SLC26A3: variants seen among roughly 807,000 people sequenced by gnomAD.
SLC26A3 encodes solute carrier family 26 member 3.
A neutral mutation model predicts 85.6 loss-of-function variants in SLC26A3; 64 were observed. The ratio of observed to expected loss-of-function variants is 0.75; its 90% CI spans 0.61 to 0.92. SLC26A3 has a LOEUF of 0.92. SLC26A3 is among the 40% of genes least tolerant of loss of function. SLC26A3 has a pLI of 0.00. For missense variants in SLC26A3, 922 were observed against 927.3 expected (o/e 0.99, Z 0.07); for synonymous variants, 349 against 336.0 (o/e 1.04, Z -0.42).
chr7:107,790,106 T>G (rs1446259061), intron 5 of SLC26A3, among the ~76,000 whole-genome samples: 1 of 152,238 alleles, frequency 6.6e-6, no homozygotes, highest in Non-Finnish European at 1.5e-5. Flanking sequence ...TGAGCGAGTG[T>G]CTATCCTATT....
In SLC26A3 at chr7:107,789,539, T is replaced by C; in HGVS notation, c.720A>G (p.Pro240=). ...AAATACTTACTTTGAAAATTGAAAC[T>C]GGATCAGTGTGTGACGGGACTGTCA... ...FQLTVPSHTD[P]VSIFKVLYSV... The change falls in exon 6 of 21, where the codon CCA becomes CCG. Residue 240 remains proline (P), a synonymous_variant. Coordinates refer to ENST00000340010, the MANE Select transcript of SLC26A3 (RefSeq NM_000111.3). 6.2e-7 allele frequency: 1 copy of C among 1,614,102 alleles called. No individual in the cohort carries two copies.
intron 12 of SLC26A3, 75 bp downstream of exon 12, chr7:107,779,593 A>T: frequency 8.5e-7 from 1 of 1,169,750 alleles, no homozygotes; most frequent in African/African-American, 1.5e-5. Flanking sequence ...TTTACAATAT[A>T]AACATGCATT....
At chr7:107,794,007 C>A in intron 2 of SLC26A3, 126 bp from the exon 3 acceptor site, 1 of 1,247,362 alleles carries the variant, frequency 8.0e-7, no homozygotes, top group Non-Finnish European at 1.2e-6. Flanking sequence ...CTCCCAGTAA[C>A]ATTCTTTACC....
Position 107,795,957 on chromosome 7 carries a change from A to G in SLC26A3, c.-88-1360T>C, listed in dbSNP as rs570399923. Among the ~76,000 whole-genome samples, 505 of 151,712 alleles carry G rather than the reference A, an allele frequency of 3.3e-3. 4 individuals carry two copies. The highest frequency in any genetic ancestry group is 0.011 in the African/African-American group (473 of 41,318). On this transcript the variant is annotated intron_variant, in intron 1 of 20. Transcript: ENST00000340010. ...CCACTTGACCTCTCTTTGATCACTC[A>G]TTTTTCTCTCCCATCCCATTTTCTA...
chr7:107,774,653 A>T (rs982627264), intron 16 of SLC26A3, 124 bp downstream of exon 16: 6 of 772,284 alleles, frequency 7.8e-6, no homozygotes, highest in Non-Finnish European at 1.4e-5. Flanking sequence ...AAAATATAAC[A>T]CTCATTGACA....
chr7:107,768,759 A>G (rs1016618884), intron 18 of SLC26A3, among the ~76,000 whole-genome samples: 1 of 152,208 alleles, frequency 6.6e-6, no homozygotes, highest in African/African-American at 2.4e-5. Context: ...CTTGGTGGGT[A>G]TCTGGGAAAA....
intron 1 of SLC26A3, among the ~76,000 whole-genome samples, chr7:107,802,742 CTT>C (rs35087147): frequency 0.034 from 3,813 of 110,698 alleles, 63 homozygotes; most frequent in South Asian, 0.1. Flanking sequence ...TTAAAGCTTG[CTT>C]TTTTTTTTTT....
At chr7:107,794,090 C>G (rs1794453422) in intron 2 of SLC26A3, among the ~76,000 whole-genome samples, 1 of 152,212 alleles carries the variant, frequency 6.6e-6, no homozygotes, top group Non-Finnish European at 1.5e-5. Flanking sequence ...CATAATAGAC[C>G]TATTTGTCAT....
At chr7:107,784,028 C>T (rs549626895) in intron 8 of SLC26A3, among the ~76,000 whole-genome samples, 1 of 152,302 alleles carries the variant, frequency 6.6e-6, no homozygotes, top group South Asian at 2.1e-4. Context: ...GTGCATGTAT[C>T]TTAAACTCAA....
chr7:107,794,027 C>T (rs1445619244), intron 2 of SLC26A3, 146 bp from the exon 3 acceptor site: 4 of 1,105,856 alleles, frequency 3.6e-6, no homozygotes, highest in Non-Finnish European at 4.0e-6. Context: ...CCATAATCAG[C>T]TGCCCTCTGG....
chr7:107,765,971 A>AG, intron 20 of SLC26A3, 93 bp from the exon 21 acceptor site: 1 of 1,108,442 alleles, frequency 9.0e-7, no homozygotes, highest in Non-Finnish European at 1.4e-6. Context: ...CAGAGTTAAC[A>AG]GGTTTTTTTT....
intron 3 of SLC26A3, 120 bp from the exon 4 acceptor site, chr7:107,792,060 A>C (rs1794412503): frequency 1.5e-6 from 1 of 670,594 alleles, no homozygotes; most frequent in African/African-American, 1.8e-5. Flanking sequence ...TTAATTCAAA[A>C]TGTATTAAAG....
At chr7:107,797,590 C>G (rs146754236) in intron 1 of SLC26A3, among the ~76,000 whole-genome samples, 1 of 152,116 alleles carries the variant, frequency 6.6e-6, no homozygotes. Flanking sequence ...CACCCATCCC[C>G]GCTTCCAAAA....
intron 3 of SLC26A3, among the ~76,000 whole-genome samples, chr7:107,792,185 C>G (rs924608480): frequency 1.9e-4 from 29 of 152,182 alleles, no homozygotes; most frequent in African/African-American, 6.3e-4. Flanking sequence ...CATAAGCCAG[C>G]AGTCCCCAAC....
intron 1 of SLC26A3, among the ~76,000 whole-genome samples, chr7:107,800,402 A>G (rs1794579618): frequency 6.6e-6 from 1 of 152,254 alleles, no homozygotes; most frequent in Non-Finnish European, 1.5e-5. Flanking sequence ...ACAAACATGT[A>G]TCAGCCTATT....
chr7:107,790,240 G>C (rs1480176183), intron 5 of SLC26A3, among the ~76,000 whole-genome samples: 1 of 152,128 alleles, frequency 6.6e-6, no homozygotes, highest in African/African-American at 2.4e-5. Flanking sequence ...TTTTGCAATC[G>C]AGTGAATCGG....
intron 1 of SLC26A3, among the ~76,000 whole-genome samples, chr7:107,797,480 C>T (rs1215055108): frequency 2.0e-5 from 3 of 148,588 alleles, no homozygotes; most frequent in Admixed American, 1.4e-4. Context: ...GGTGACAGAG[C>T]GAGACTCCGT....
chr7:107,789,625 C>T lies in SLC26A3; in HGVS notation c.634G>A (p.Gly212Ser), dbSNP rs777504274. The T allele has an allele frequency of 1.2e-6, 2 of 1,613,872 alleles. No individual in the cohort carries two copies. Among genetic ancestry groups the T allele is most frequent in the Admixed American group, 3.3e-5 (2 of 59,994 alleles). Residue 212 changes from glycine (G) to serine (S), a missense_variant, in exon 6 of 21, where the codon GGC becomes AGC. Physicochemically the swap from Gly to Ser is moderately conservative, Grantham distance 56 (BLOSUM62 0). Coordinates refer to ENST00000340010, the MANE Select transcript of SLC26A3 (RefSeq NM_000111.3). ...VIYLSESLIS[G>S]FTTAAAVHVL... ...TGAACAGCAGCAGCAGTAGTGAAGC[C>T]ACTGATGAGGGACTCAGACAGGTAT...
Position 107,776,641 on chromosome 7 carries a change from T to C in SLC26A3, c.1580A>G (p.Tyr527Cys), listed in dbSNP as rs1159698509. 1 of 1,613,368 alleles carries C rather than the reference T, an allele frequency of 6.2e-7. No individual in the cohort carries two copies. The highest frequency in any genetic ancestry group is 8.5e-7 in the Non-Finnish European group (1 of 1,179,392). Residue 527 changes from tyrosine to cysteine, a missense_variant, in exon 14 of 21, where the codon TAT (tyrosine) becomes TGT (cysteine). By Grantham distance (194) the Tyr-to-Cys change is radical. Coordinates refer to ENST00000340010, the MANE Select transcript of SLC26A3 (RefSeq NM_000111.3). ...TNIYKNKKDY[Y>C]DMYEPEGVKI... is the part of the protein sequence containing the mutation. ...AAAAACATGAATCTCCCTTACATCA[T>C]AATAATCTTTTTTATTCTTATAGAT... is the stretch of plus-strand genomic sequence containing the variant.
Sources: gnomAD v4.1 joint callset for allele counts (sites outside exome capture counted in the v4.1 genomes callset) on GRCh38, gnomAD v4.1.1 for gene constraint, MANE v1.5 for transcripts, NCBI Gene and HGNC (gene_info 2026-07-23, HGNC 2026-07-21) for gene names.